The following ART3 variants were observed in gnomAD, a reference collection of about 807,000 sequenced individuals.
The protein encoded by ART3 is ADP-ribosyltransferase 3 (inactive).
A neutral mutation model predicts 48.5 loss-of-function variants in ART3; 49 were observed. The observed-to-expected ratio is 1.01, with a 90% CI of 0.80 to 1.28. The LOEUF is 1.28. Among genes scored for constraint, ART3 ranks in the 50% most tolerant of loss-of-function variants. The probability of loss-of-function intolerance (pLI) is 0.00; values close to 1 mark genes in which losing one functional copy is unlikely to be tolerated. For missense variants in ART3, 438 were observed against 454.3 expected (o/e 0.96, Z 0.33); for synonymous variants, 145 against 157.2 (o/e 0.92, Z 0.58).
chr4:76,034,545 T>C (rs545469425), intron 1 of ART3: 72 of 520,514 alleles, frequency 1.4e-4, no homozygotes, highest in African/African-American at 1.3e-3. Context: ...TAGAAATCCA[T>C]TTAATTGTTG....
chr4:76,105,938 T>C, intron 10 of ART3: 1 of 985,150 alleles, frequency 1.0e-6, no homozygotes, highest in Non-Finnish European at 1.2e-6. Context: ...CCATTCTGTG[T>C]GCTCCTCACC....
At chr4:76,111,135 T>C (rs902466556) in intron 11 of ART3, among the ~76,000 whole-genome samples, 4 of 152,208 alleles carry the variant, frequency 2.6e-5, no homozygotes, top group Non-Finnish European at 5.9e-5. Context: ...GTTTCGAGTA[T>C]CCTCTTAAAA....
At chr4:76,068,264 G>T (rs913127401) in intron 1 of ART3, among the ~76,000 whole-genome samples, 3 of 152,104 alleles carry the variant, frequency 2.0e-5, no homozygotes, top group Non-Finnish European at 4.4e-5. Flanking sequence ...CTACAATCAT[G>T]ATATAAAACA....
At chr4:76,050,861 C>G (rs988503819) in intron 1 of ART3, among the ~76,000 whole-genome samples, 2 of 152,242 alleles carry the variant, frequency 1.3e-5, no homozygotes, top group Non-Finnish European at 2.9e-5. Flanking sequence ...GCTGGCACTG[C>G]TGGGGGACCC....
At chr4:76,097,533 G>A (rs781201785) in intron 3 of ART3, 111 bp from the exon 4 acceptor site, 125 of 894,180 alleles carry the variant, frequency 1.4e-4, no homozygotes, top group Non-Finnish European at 2.0e-4. Flanking sequence ...CTAATTATGA[G>A]TCTGATAAAC....
chr4:76,099,054 C>T (rs192135598), intron 5 of ART3, 67 bp downstream of exon 5: 378 of 1,464,312 alleles, frequency 2.6e-4, no homozygotes, highest in African/African-American at 1.2e-3. Flanking sequence ...GTAATCCCAG[C>T]GCTTTGGAAG....
chr4:76,048,109 T>A (rs906196296), intron 1 of ART3, among the ~76,000 whole-genome samples: 7 of 151,886 alleles, frequency 4.6e-5, no homozygotes, highest in Middle Eastern at 3.2e-3. Flanking sequence ...AGGAGGATTA[T>A]CACTAATAGG....
intron 11 of ART3, chr4:76,111,906 G>T (rs1343974392): frequency 6.6e-6 from 1 of 152,652 alleles, no homozygotes; most frequent in Non-Finnish European, 1.5e-5. Context: ...TTTAAAAATA[G>T]AGATGGGGTC....
intron 3 of ART3, 90 bp from the exon 4 acceptor site, chr4:76,097,554 C>G (rs769746118): frequency 1.1e-4 from 117 of 1,112,354 alleles, no homozygotes; most frequent in South Asian, 6.9e-4. Context: ...CAGGAGCTGA[C>G]AGATTAGGTT....
intron 1 of ART3, among the ~76,000 whole-genome samples, chr4:76,067,432 C>T (rs982608553): frequency 2.1e-5 from 3 of 144,262 alleles, no homozygotes; most frequent in Non-Finnish European, 3.0e-5. Flanking sequence ...CAGGAGGCTA[C>T]GATGGGGGAA....
intron 2 of ART3, among the ~76,000 whole-genome samples, chr4:76,077,570 T>C (rs1376318228): frequency 6.6e-6 from 1 of 152,222 alleles, no homozygotes; most frequent in African/African-American, 2.4e-5. Context: ...CTACAAACAC[T>C]ATTTGGTTAT....
intron 1 of ART3, among the ~76,000 whole-genome samples, chr4:76,025,957 G>GATCAA (rs1325071767): frequency 1.3e-5 from 2 of 152,038 alleles, no homozygotes; most frequent in Non-Finnish European, 2.9e-5. Context: ...AAACGTAAGT[G>GATCAA]ATCACGTCAC....
rs927897123 is a variant in ART3, at chr4:76,039,454, A to G, written c.-10+28134A>G. ...TATCAGTGTCCTTTCCTGAATTGGC[A>G]TACCACATCTAGCTTGTTTTCAGCT... is the stretch of plus-strand genomic sequence containing the variant. On this transcript the variant is annotated intron_variant, in intron 1 of 9. Coordinates refer to the ART3 transcript ENST00000341029. 1.3e-4 allele frequency among the ~76,000 whole-genome samples: 20 copies of G among 152,342 alleles called. No individual in the cohort carries two copies. The East Asian group carries it at 3.1e-3, about 23-fold the overall frequency.
At chr4:76,091,673 G>T (rs972849896) in intron 3 of ART3, among the ~76,000 whole-genome samples, 9 of 144,038 alleles carry the variant, frequency 6.2e-5, no homozygotes, top group Non-Finnish European at 1.3e-4. Flanking sequence ...TGAATTTGTA[G>T]CTTATCTTTT....
chr4:76,079,035 AGT>A (rs1721815894), intron 2 of ART3, among the ~76,000 whole-genome samples: 1 of 152,062 alleles, frequency 6.6e-6, no homozygotes, highest in African/African-American at 2.4e-5. Context: ...GAGCCGAAAT[AGT>A]GCCACTGCAC....
chr4:76,073,628 T>C (rs1720554027), upstream of ART3, among the ~76,000 whole-genome samples: 1 of 152,202 alleles, frequency 6.6e-6, no homozygotes, highest in Non-Finnish European at 1.5e-5. Flanking sequence ...CAAACTGAAT[T>C]TGTCAATGTA....
chr4:76,041,592 A>G (rs1015667292), intron 1 of ART3, among the ~76,000 whole-genome samples: 2 of 138,672 alleles, frequency 1.4e-5, no homozygotes, highest in Non-Finnish European at 1.5e-5. Flanking sequence ...ATTTAAATAT[A>G]TTTTCTTTAA....
At chr4:76,040,437 T>TACACACACACACGCACACAC (rs1734837591) in intron 1 of ART3, among the ~76,000 whole-genome samples, 1 of 88,484 alleles carries the variant, frequency 1.1e-5, no homozygotes, top group Non-Finnish European at 2.2e-5. Flanking sequence ...ATACACTGGA[T>TACACACACACACGCACACAC]ACACACACAC....
intron 1 of ART3, among the ~76,000 whole-genome samples, chr4:76,049,767 G>T (rs911991227): frequency 6.6e-6 from 1 of 152,170 alleles, no homozygotes; most frequent in South Asian, 2.1e-4. Context: ...GGCGATAGGC[G>T]AAAGTCCCTT....
Sources: gnomAD v4.1 joint callset for allele counts (sites outside exome capture counted in the v4.1 genomes callset) on GRCh38, gnomAD v4.1.1 for gene constraint, MANE v1.5 for transcripts, NCBI Gene and HGNC (gene_info 2026-07-23, HGNC 2026-07-21) for gene names.